ADAMTSL1: variants seen among roughly 807,000 people sequenced by gnomAD.
ADAMTSL1 encodes the protein ADAMTS-like protein 1.
A neutral mutation model predicts 201.8 loss-of-function variants in ADAMTSL1; 126 were observed. That is an observed-to-expected ratio of 0.62 (90% CI 0.54 to 0.72). The LOEUF is 0.72. Among genes scored for constraint, ADAMTSL1 ranks in the 30% least tolerant of loss-of-function variants. The pLI is 0.00. For missense variants in ADAMTSL1, 2,679 were observed against 2,277.8 expected (o/e 1.18, Z -3.59); for synonymous variants, 1,121 against 903.4 (o/e 1.24, Z -4.32).
At chr9:18,787,551 C>T (rs778211683) in intron 19 of ADAMTSL1, among the ~76,000 whole-genome samples, 2 of 152,082 alleles carry the variant, frequency 1.3e-5, no homozygotes, top group African/African-American at 2.4e-5. Context: ...ATAAGGATGT[C>T]ACTGAGATAA....
chr9:18,065,149 G>A (rs895468451), intron 1 of ADAMTSL1, among the ~76,000 whole-genome samples: 3 of 151,848 alleles, frequency 2.0e-5, no homozygotes, highest in Admixed American at 1.3e-4. Flanking sequence ...CTTTTTTCAT[G>A]TTTAACTCCA....
intron 23 of ADAMTSL1, among the ~76,000 whole-genome samples, chr9:18,858,881 A>C (rs1482552111): frequency 6.6e-6 from 1 of 152,202 alleles, no homozygotes; most frequent in East Asian, 1.9e-4. Context: ...TATATGTGCA[A>C]ATATGCTTTT....
At chr9:18,691,856 G>A (rs1831239576) in intron 13 of ADAMTSL1, among the ~76,000 whole-genome samples, 1 of 152,166 alleles carries the variant, frequency 6.6e-6, no homozygotes, top group South Asian at 2.1e-4. Context: ...TACCTGGTAT[G>A]CAGGAAGTGC....
Position 18,889,623 on chromosome 9 carries a change from G to A in ADAMTSL1, c.4518G>A (p.Arg1506=). 6.2e-7 allele frequency: 1 copy of A among 1,613,668 alleles called. No homozygotes were observed. The highest frequency in any genetic ancestry group is 8.5e-7 in the Non-Finnish European group (1 of 1,179,784). Residue 1506 remains arginine (R), a synonymous_variant, in exon 25 of 29, where the codon CGG becomes CGA. Coordinates refer to ENST00000380548, the MANE Select transcript of ADAMTSL1 (RefSeq NM_001040272.6). ...LATCSASCGN[R]GVQQPRLRCL... The stretch of plus-strand genomic sequence containing the variant: ...CCTGCTCAGCCTCCTGTGGTAACCG[G>A]GGGGTTCAGCAGCCCCGCTTGAGGT...
At chr9:18,413,253 C>T (rs113324111) in intron 2 of ADAMTSL1, among the ~76,000 whole-genome samples, 12,529 of 149,978 alleles carry the variant, frequency 0.084, 690 homozygotes, top group Non-Finnish European at 0.12. Flanking sequence ...CAACCTTCGC[C>T]TCCTAGGTTC....
At chr9:18,126,622 C>G (rs1825740048) in intron 1 of ADAMTSL1, among the ~76,000 whole-genome samples, 1 of 152,118 alleles carries the variant, frequency 6.6e-6, no homozygotes, top group African/African-American at 2.4e-5. Flanking sequence ...CCTGCCAAAA[C>G]TACAAATATT....
intron 2 of ADAMTSL1, among the ~76,000 whole-genome samples, chr9:18,365,835 C>T (rs908282599): frequency 4.6e-5 from 7 of 152,186 alleles, no homozygotes; most frequent in African/African-American, 4.8e-5. Context: ...GCCTGAGTTC[C>T]GCCTGCTGTC....
intron 1 of ADAMTSL1, among the ~76,000 whole-genome samples, chr9:17,962,664 G>C (rs1016741476): frequency 2.6e-5 from 4 of 152,170 alleles, no homozygotes; most frequent in Non-Finnish European, 5.9e-5. Flanking sequence ...AAGCTTCTTT[G>C]TGGAAATTCA....
At chr9:18,456,731 C>T (rs1587269167) in intron 2 of ADAMTSL1, among the ~76,000 whole-genome samples, 1 of 152,260 alleles carries the variant, frequency 6.6e-6, no homozygotes, top group South Asian at 2.1e-4. Context: ...TCCCTAGAAA[C>T]CCTGGCTTAC....
chr9:18,869,563 T>A (rs908428644), intron 23 of ADAMTSL1, among the ~76,000 whole-genome samples: 1 of 152,242 alleles, frequency 6.6e-6, no homozygotes, highest in African/African-American at 2.4e-5. Flanking sequence ...TAAATTTCAT[T>A]TTTAAAGGAG....
intron 2 of ADAMTSL1, among the ~76,000 whole-genome samples, chr9:18,255,875 C>A (rs1381833645): frequency 3.9e-5 from 6 of 152,176 alleles, no homozygotes; most frequent in Non-Finnish European, 8.8e-5. Flanking sequence ...GTCTTTCTGA[C>A]TACATAACTG....
At chr9:18,179,374 C>T (rs202050894) in intron 2 of ADAMTSL1, among the ~76,000 whole-genome samples, 24 of 152,214 alleles carry the variant, frequency 1.6e-4, no homozygotes, top group African/African-American at 2.9e-4. Flanking sequence ...TATGGGACTA[C>T]GTGAAAAGAC....
intron 2 of ADAMTSL1, among the ~76,000 whole-genome samples, chr9:18,235,868 G>T (rs1293056977): frequency 6.6e-6 from 1 of 152,138 alleles, no homozygotes; most frequent in Non-Finnish European, 1.5e-5. Flanking sequence ...TATTTGGGGG[G>T]AATTCTTTAG....
intron 3 of ADAMTSL1, among the ~76,000 whole-genome samples, chr9:18,567,505 T>TTG (rs1347148094): frequency 1.3e-5 from 2 of 151,950 alleles, no homozygotes; most frequent in East Asian, 3.9e-4. Flanking sequence ...AGAGTTGACA[T>TTG]TGGGTTGGGG....
chr9:18,010,299 A>T (rs1819999324), intron 1 of ADAMTSL1, among the ~76,000 whole-genome samples: 1 of 152,072 alleles, frequency 6.6e-6, no homozygotes, highest in African/African-American at 2.4e-5. Flanking sequence ...ACATATAATC[A>T]GAAAGCAAGT....
In ADAMTSL1 at chr9:18,405,279, C is replaced by T. The variant is rs141651597; in HGVS notation, c.208-99550C>T. 9.2e-4 allele frequency among the ~76,000 whole-genome samples: 140 copies of T among 152,278 alleles called. 1 individual carries two copies. Among genetic ancestry groups the T allele is most frequent in the African/African-American group, 3.2e-3 (131 of 41,564 alleles). On this transcript the variant is annotated intron_variant, in intron 2 of 29. Coordinates refer to the ADAMTSL1 transcript ENST00000680146. ...TCTATTCAGTGTCACTCAGCATCTA[C>T]GCCTCACCCTCAGCACAGCTGCTGT... is the stretch of plus-strand genomic sequence containing the variant.
chr9:18,091,672 C>G (rs989590203), intron 1 of ADAMTSL1, among the ~76,000 whole-genome samples: 1 of 152,122 alleles, frequency 6.6e-6, no homozygotes, highest in African/African-American at 2.4e-5. Flanking sequence ...AGTTTTCTCA[C>G]ATGAAAATGA....
At chr9:18,514,640 A>G (rs764595492) in intron 2 of ADAMTSL1, among the ~76,000 whole-genome samples, 2 of 151,992 alleles carry the variant, frequency 1.3e-5, no homozygotes, top group Non-Finnish European at 2.9e-5. Flanking sequence ...TGATTTTTCT[A>G]TATTGATTTT....
intron 1 of ADAMTSL1, among the ~76,000 whole-genome samples, chr9:18,002,574 T>G (rs1819657150): frequency 6.6e-6 from 1 of 152,098 alleles, no homozygotes; most frequent in East Asian, 1.9e-4. Flanking sequence ...CTCATGTTTA[T>G]GAAAAGATTC....
Sources: allele counts gnomAD v4.1 joint callset (sites outside exome capture counted in the v4.1 genomes callset), GRCh38; gene constraint gnomAD v4.1.1; transcripts MANE v1.5; gene names NCBI Gene and HGNC (gene_info 2026-07-23, HGNC 2026-07-21).